The following GAB2 variants were observed in gnomAD, a reference collection of about 807,000 sequenced individuals.
The protein encoded by GAB2 is GRB2 associated binding protein 2.
A neutral mutation model predicts 65.5 loss-of-function variants in GAB2; 26 were observed. That is an observed-to-expected ratio of 0.40 (90% CI 0.29 to 0.55). The LOEUF (loss-of-function observed/expected upper bound fraction) is 0.55. Ranked by LOEUF, GAB2 falls within the 20% of genes least tolerant of loss-of-function variation. The pLI, the probability that GAB2 is intolerant of heterozygous loss-of-function variation, is 0.53. For synonymous variants in GAB2, 321 were observed against 329.6 expected (o/e 0.97, Z 0.28); for missense variants, 884 against 875.8 (o/e 1.01, Z -0.12).
intron 2 of GAB2, among the ~76,000 whole-genome samples, chr11:78,265,074 T>C (rs900564903): frequency 3.3e-5 from 5 of 152,064 alleles, no homozygotes; most frequent in East Asian, 1.9e-4. Context: ...ATTTTACTGA[T>C]GCAGAAGTTG....
chr11:78,224,847 T>G (rs73509324), intron 5 of GAB2, among the ~76,000 whole-genome samples: 4,450 of 152,122 alleles, frequency 0.029, 194 homozygotes, highest in African/African-American at 0.1. Flanking sequence ...TCTATTGCAT[T>G]CTAGATCCTC....
At chr11:78,417,581 C>T in intron 1 of GAB2, 65 bp downstream of exon 1, 2 of 902,308 alleles carry the variant, frequency 2.2e-6, no homozygotes, top group Non-Finnish European at 1.4e-6. Flanking sequence ...TCCGGGAGTC[C>T]CCCGCCCCTC....
chr11:78,229,270 C>CTCA (rs144135146), intron 3 of GAB2, among the ~76,000 whole-genome samples: 12,010 of 152,138 alleles, frequency 0.079, 658 homozygotes, highest in Non-Finnish European at 0.12. Flanking sequence ...TAGTTGAAGG[C>CTCA]TCAAAGATGT....
In GAB2 at chr11:78,360,536, T is replaced by G. The variant is rs558486546; in HGVS notation, c.75+57110A>C. Among the ~76,000 whole-genome samples the G allele has an allele frequency of 3.9e-5, 6 of 152,302 alleles. No individual in the cohort carries two copies. The South Asian group carries it at 1.2e-3, about 32-fold the overall frequency. On this transcript the variant is annotated intron_variant, in intron 1 of 9. Transcript: ENST00000361507. ...GAGCTCAAATCTCCCTAAATGAATT[T>G]ATTAATTTAACATAAACTCAGTAAA... is the stretch of plus-strand genomic sequence containing the variant.
At chr11:78,223,072 T>G (rs781265548) in intron 6 of GAB2, among the ~76,000 whole-genome samples, 14 of 152,216 alleles carry the variant, frequency 9.2e-5, no homozygotes, top group Non-Finnish European at 1.5e-4. Context: ...TGCCTAGCTA[T>G]CCTACTCCTC....
At chr11:78,371,874 C>G (rs565718740) in intron 1 of GAB2, among the ~76,000 whole-genome samples, 1 of 152,242 alleles carries the variant, frequency 6.6e-6, no homozygotes, top group East Asian at 1.9e-4. Flanking sequence ...CATTCCAATC[C>G]CAGTTCCATC....
intron 2 of GAB2, among the ~76,000 whole-genome samples, chr11:78,251,011 T>G (rs1043698469): frequency 6.6e-6 from 1 of 151,892 alleles, no homozygotes; most frequent in Non-Finnish European, 1.5e-5. Flanking sequence ...ACAATGCTAT[T>G]TGGGTGATAG....
intron 1 of GAB2, among the ~76,000 whole-genome samples, chr11:78,330,909 C>T (rs564298158): frequency 3.9e-5 from 6 of 151,972 alleles, no homozygotes; most frequent in Non-Finnish European, 7.4e-5. Context: ...TGCAATGGCT[C>T]ATGGCTGTAA....
chr11:78,248,795 C>G (rs575703718), intron 3 of GAB2, among the ~76,000 whole-genome samples: 3 of 152,184 alleles, frequency 2.0e-5, no homozygotes, highest in Non-Finnish European at 4.4e-5. Context: ...AATTTGAACC[C>G]ATATCCGACT....
intron 2 of GAB2, among the ~76,000 whole-genome samples, chr11:78,256,419 T>G (rs1274096845): frequency 6.6e-6 from 1 of 152,114 alleles, no homozygotes; most frequent in Non-Finnish European, 1.5e-5. Context: ...ATGATTTCAT[T>G]TATGTGAAAT....
intron 3 of GAB2, among the ~76,000 whole-genome samples, chr11:78,241,116 G>A (rs1321599226): frequency 6.6e-6 from 1 of 152,192 alleles, no homozygotes; most frequent in African/African-American, 2.4e-5. Flanking sequence ...TTACGCTAAG[G>A]ATATTAACAA....
At chr11:78,324,053 C>A (rs1208904550) in intron 1 of GAB2, among the ~76,000 whole-genome samples, 1 of 152,050 alleles carries the variant, frequency 6.6e-6, no homozygotes, top group Admixed American at 6.5e-5. Flanking sequence ...CCACCTTGGC[C>A]TCCCAAAGTG....
chr11:78,318,387 G>T (rs1010880028), intron 1 of GAB2, among the ~76,000 whole-genome samples: 2 of 23,820 alleles, frequency 8.4e-5, no homozygotes, highest in East Asian at 3.0e-4. Context: ...AAAAAAAAAA[G>T]CTGTGAAAAG....
chr11:78,262,828 G>C (rs1171210929), intron 2 of GAB2, among the ~76,000 whole-genome samples: 2 of 152,320 alleles, frequency 1.3e-5, no homozygotes, highest in South Asian at 4.1e-4. Context: ...TATTTGAGCA[G>C]GCCTGCCAAA....
chr11:78,223,734 G>T, intron 5 of GAB2, 58 bp from the exon 6 acceptor site: 3 of 1,414,146 alleles, frequency 2.1e-6, no homozygotes, highest in Non-Finnish European at 1.9e-6. Flanking sequence ...AAACAGGAAG[G>T]GGGTAAGACT....
At chr11:78,253,175 TA>T (rs1384910545) in intron 2 of GAB2, among the ~76,000 whole-genome samples, 1 of 151,968 alleles carries the variant, frequency 6.6e-6, no homozygotes, top group East Asian at 1.9e-4. Flanking sequence ...GACGCCCAGC[TA>T]ATTTTTGTAT....
chr11:78,296,697 G>A (rs1378600236), intron 1 of GAB2, among the ~76,000 whole-genome samples: 2 of 152,206 alleles, frequency 1.3e-5, no homozygotes, highest in African/African-American at 4.8e-5. Context: ...AGGAGACTCA[G>A]ATGTTTTCAC....
At chr11:78,386,288 A>T in intron 1 of GAB2, among the ~76,000 whole-genome samples, 1 of 152,184 alleles carries the variant, frequency 6.6e-6, no homozygotes, top group Non-Finnish European at 1.5e-5. Flanking sequence ...CTGAGTACCC[A>T]CTACCACAAT....
chr11:78,249,465 A>G (rs1264902439), intron 3 of GAB2, among the ~76,000 whole-genome samples: 1 of 152,230 alleles, frequency 6.6e-6, no homozygotes, highest in Non-Finnish European at 1.5e-5. Context: ...TAGCCTAACA[A>G]TGGGAATAAA....
Sources: allele counts gnomAD v4.1 joint callset (sites outside exome capture counted in the v4.1 genomes callset), GRCh38; gene constraint gnomAD v4.1.1; transcripts MANE v1.5; gene names NCBI Gene and HGNC (gene_info 2026-07-23, HGNC 2026-07-21).